CHCHD6: variants seen among roughly 807,000 people sequenced by gnomAD.
The protein encoded by CHCHD6 is MICOS complex subunit MIC25.
A neutral mutation model predicts 32.3 loss-of-function variants in CHCHD6; 28 were observed. The observed-to-expected ratio is 0.87, with a 90% CI of 0.64 to 1.19. The LOEUF is 1.19. Ranked by LOEUF, CHCHD6 falls within the 50% of genes most tolerant of loss-of-function variation. CHCHD6 has a pLI of 0.00. For missense variants in CHCHD6, 333 were observed against 307.0 expected, an observed-to-expected ratio of 1.08 and a Z score of -0.63; for synonymous variants, 122 against 117.5, an observed-to-expected ratio of 1.04 and a Z score of -0.25.
intron 4 of CHCHD6, among the ~76,000 whole-genome samples, chr3:126,794,772 A>T (rs569141892): frequency 3.9e-5 from 6 of 152,150 alleles, no homozygotes; most frequent in Non-Finnish European, 8.8e-5. Flanking sequence ...TTCTTAGAAT[A>T]GTATCATATT....
At chr3:126,840,122 G>T (rs1941012537) in intron 4 of CHCHD6, among the ~76,000 whole-genome samples, 1 of 152,142 alleles carries the variant, frequency 6.6e-6, no homozygotes, top group South Asian at 2.1e-4. Context: ...AATTTATGTT[G>T]TAGCATGTAT....
intron 4 of CHCHD6, among the ~76,000 whole-genome samples, chr3:126,789,988 C>T (rs1393976832): frequency 6.6e-6 from 1 of 152,130 alleles, no homozygotes; most frequent in African/African-American, 2.4e-5. Flanking sequence ...ATGTTTAGTG[C>T]TTGCTTCAGG....
rs141857922 is a variant in CHCHD6 at position 126,729,562 on chromosome 3, T to A, written c.197-999T>A. ...TAAATAAGCATGGCGAGCACTAGTGTGGAGATGAAACCCCGCAGCAGGCTC... is the reference window on the plus strand; with the variant it reads ...TAAATAAGCATGGCGAGCACTAGTGAGGAGATGAAACCCCGCAGCAGGCTC... On this transcript the variant is annotated intron_variant, in intron 2 of 7. Transcript: ENST00000290913. Among the ~76,000 whole-genome samples, 31 of 152,314 alleles carry A rather than the reference T, an allele frequency of 2.0e-4. No individual in the cohort carries two copies. The East Asian group carries it at 3.9e-3, about 19-fold the overall frequency.
chr3:126,874,979 C>A (rs964285518), intron 5 of CHCHD6, among the ~76,000 whole-genome samples: 1 of 152,192 alleles, frequency 6.6e-6, no homozygotes, highest in Non-Finnish European at 1.5e-5. Flanking sequence ...TCTCTGTGTA[C>A]TTCTGGGACC....
intron 4 of CHCHD6, among the ~76,000 whole-genome samples, chr3:126,738,176 A>G (rs1015311886): frequency 2.2e-4 from 34 of 152,204 alleles, no homozygotes; most frequent in Admixed American, 8.5e-4. Context: ...GGTAGCTGCC[A>G]CCTTAGCTAT....
chr3:126,765,092 A>C (rs138339784), intron 4 of CHCHD6, among the ~76,000 whole-genome samples: 1 of 152,218 alleles, frequency 6.6e-6, no homozygotes, highest in Non-Finnish European at 1.5e-5. Flanking sequence ...GCATTTTAAC[A>C]TGGAGACAGT....
chr3:126,858,420 G>A (rs1037720557), intron 5 of CHCHD6, among the ~76,000 whole-genome samples: 5 of 152,110 alleles, frequency 3.3e-5, no homozygotes, highest in East Asian at 1.9e-4. Context: ...GGCACACGAG[G>A]CTTCATAAAA....
chr3:126,771,365 C>T (rs140966475), intron 4 of CHCHD6, among the ~76,000 whole-genome samples: 39 of 151,896 alleles, frequency 2.6e-4, no homozygotes, highest in Middle Eastern at 3.4e-3. Context: ...CCACCACGCC[C>T]GGCTAATTTT....
chr3:126,805,619 A>G (rs1254830736), intron 4 of CHCHD6, among the ~76,000 whole-genome samples: 1 of 152,178 alleles, frequency 6.6e-6, no homozygotes, highest in Admixed American at 6.5e-5. Flanking sequence ...GAAAATGGCC[A>G]TACTGCCCAA....
intron 6 of CHCHD6, among the ~76,000 whole-genome samples, chr3:126,923,381 A>G (rs921706494): frequency 2.6e-5 from 4 of 152,212 alleles, no homozygotes; most frequent in Non-Finnish European, 5.9e-5. Flanking sequence ...GGTCAACCTA[A>G]TATCTTATAT....
intron 5 of CHCHD6, among the ~76,000 whole-genome samples, chr3:126,862,250 C>G (rs1300980719): frequency 6.6e-5 from 9 of 136,554 alleles, no homozygotes; most frequent in African/African-American, 2.5e-4. Flanking sequence ...ACCACCTCCT[C>G]CTCCTCCTCC....
At chr3:126,784,997 A>G (rs780259443) in intron 4 of CHCHD6, among the ~76,000 whole-genome samples, 28 of 152,060 alleles carry the variant, frequency 1.8e-4, no homozygotes, top group Middle Eastern at 3.4e-3. Context: ...GTATTCTTCT[A>G]TTCTCCTTGT....
In CHCHD6 at chr3:126,852,735, G is replaced by T; in HGVS notation, c.495+5G>T. The T allele has an allele frequency of 6.2e-7, 1 of 1,603,920 alleles. No homozygotes were observed. The highest frequency in any genetic ancestry group is 1.1e-5 in the South Asian group (1 of 90,762). On this transcript the variant is annotated splice_donor_5th_base_variant and intron_variant, in intron 5 of 7. Coordinates refer to ENST00000290913, the MANE Select transcript of CHCHD6 (RefSeq NM_032343.3). Reference sequence around the variant, plus strand: ...CTGGAGCGTATTGAGAGGAAGGTAAGACTCCTGCTTGGCTGCATTCCTCGG... The same window carrying T: ...CTGGAGCGTATTGAGAGGAAGGTAATACTCCTGCTTGGCTGCATTCCTCGG...
chr3:126,803,119 G>A (rs1347135610), intron 4 of CHCHD6, among the ~76,000 whole-genome samples: 1 of 152,054 alleles, frequency 6.6e-6, no homozygotes, highest in Non-Finnish European at 1.5e-5. Context: ...ATGCGAAAAT[G>A]TAAAAGACCA....
intron 4 of CHCHD6, among the ~76,000 whole-genome samples, chr3:126,818,681 C>G (rs917090374): frequency 6.6e-6 from 1 of 152,228 alleles, no homozygotes; most frequent in Non-Finnish European, 1.5e-5. Flanking sequence ...CAGGTCTCTT[C>G]CTGAAAGGCA....
At chr3:126,802,514 G>A (rs956001611) in intron 4 of CHCHD6, among the ~76,000 whole-genome samples, 5 of 152,064 alleles carry the variant, frequency 3.3e-5, no homozygotes, top group Non-Finnish European at 7.4e-5. Flanking sequence ...AGTTTAGAGA[G>A]AAAAGAATAA....
At chr3:126,773,887 T>C (rs1215989480) in intron 4 of CHCHD6, among the ~76,000 whole-genome samples, 6 of 152,176 alleles carry the variant, frequency 3.9e-5, no homozygotes, top group African/African-American at 1.4e-4. Context: ...ATTATAGGTG[T>C]GAGCCACTGT....
chr3:126,735,365 C>T (rs796935642), intron 4 of CHCHD6, among the ~76,000 whole-genome samples: 95 of 152,296 alleles, frequency 6.2e-4, no homozygotes, highest in African/African-American at 2.2e-3. Flanking sequence ...GATAATAATC[C>T]CCTTTTCTGA....
intron 5 of CHCHD6, among the ~76,000 whole-genome samples, chr3:126,873,721 G>A (rs1047050940): frequency 6.6e-6 from 1 of 152,202 alleles, no homozygotes; most frequent in Non-Finnish European, 1.5e-5. Flanking sequence ...CACCTGCATG[G>A]AGGGACCAGC....
Sources: allele counts gnomAD v4.1 joint callset (sites outside exome capture counted in the v4.1 genomes callset), GRCh38; gene constraint gnomAD v4.1.1; transcripts MANE v1.5; gene names NCBI Gene and HGNC (gene_info 2026-07-23, HGNC 2026-07-21).